Variants in GPATCH2 observed in about 807,000 individuals in gnomAD.
GPATCH2 encodes the protein G-patch domain containing 2.
In GPATCH2, 51 loss-of-function variants were observed where a neutral mutation model predicts 58.0. That is an observed-to-expected ratio of 0.88 (90% CI 0.70 to 1.11). The LOEUF (loss-of-function observed/expected upper bound fraction) is 1.11. Among genes scored for constraint, GPATCH2 ranks in the 50% most tolerant of loss-of-function variants. The pLI, the probability that GPATCH2 is intolerant of heterozygous loss-of-function variation, is 0.00. For synonymous variants in GPATCH2, 222 were observed against 218.5 expected (o/e 1.02, Z -0.14); for missense variants, 625 against 652.2 (o/e 0.96, Z 0.45).
chr1:217,574,623 A>G (rs10863324), intron 5 of GPATCH2, among the ~76,000 whole-genome samples: 5 of 151,952 alleles, frequency 3.3e-5, no homozygotes, highest in Non-Finnish European at 5.9e-5. Flanking sequence ...CTGTGATGGA[A>G]CTGTCATGTT....
At chr1:217,615,404 G>GA (rs1290656270) in intron 2 of GPATCH2, among the ~76,000 whole-genome samples, 1 of 151,968 alleles carries the variant, frequency 6.6e-6, no homozygotes, top group Non-Finnish European at 1.5e-5. Context: ...AATTGGTAAT[G>GA]AAAAAATATT....
intron 5 of GPATCH2, among the ~76,000 whole-genome samples, chr1:217,532,179 A>C (rs754609948): frequency 2.0e-5 from 3 of 152,192 alleles, no homozygotes; most frequent in Non-Finnish European, 4.4e-5. Context: ...CTCTGTGATT[A>C]ACCCAGTATG....
At chr1:217,610,463 AG>A (rs892877512) in intron 4 of GPATCH2, 63 bp from the exon 5 acceptor site, 3 of 942,990 alleles carry the variant, frequency 3.2e-6, no homozygotes, top group Non-Finnish European at 3.4e-6. Flanking sequence ...GAAGAAGAAG[AG>A]GATCCTATCA....
chr1:217,576,464 C>T (rs1006476944), intron 5 of GPATCH2, among the ~76,000 whole-genome samples: 3 of 152,130 alleles, frequency 2.0e-5, no homozygotes, highest in Admixed American at 6.5e-5. Context: ...AAGAAACACA[C>T]GTATATTACT....
chr1:217,600,142 G>A (rs988838056), intron 5 of GPATCH2, among the ~76,000 whole-genome samples: 3 of 152,046 alleles, frequency 2.0e-5, no homozygotes, highest in Non-Finnish European at 4.4e-5. Flanking sequence ...AAGATTAATG[G>A]CACAAGTCAT....
rs76145694 is a variant in GPATCH2 at position 217,585,142 on chromosome 1, A to G, written c.1098+25179T>C. Among the ~76,000 whole-genome samples, 988 of 152,244 alleles carry G rather than the reference A, an allele frequency of 6.5e-3. 7 individuals are homozygous for G. The highest frequency in any genetic ancestry group is 0.014 in the Middle Eastern group (4 of 294). On this transcript the variant is annotated intron_variant, in intron 5 of 9. Coordinates refer to ENST00000366935, the MANE Select transcript of GPATCH2 (RefSeq NM_018040.5). Reference sequence around the variant, plus strand: ...CTTTAATTTTGTCTGTTTGGGTACTATTTATAAGAATGGGATCTTACACTA... The same window carrying G: ...CTTTAATTTTGTCTGTTTGGGTACTGTTTATAAGAATGGGATCTTACACTA...
At chr1:217,570,511 G>A (rs1250974555) in intron 5 of GPATCH2, among the ~76,000 whole-genome samples, 2 of 152,024 alleles carry the variant, frequency 1.3e-5, no homozygotes, top group Non-Finnish European at 2.9e-5. Context: ...AGTATCTTGC[G>A]GCCCAAGACA....
intron 9 of GPATCH2, among the ~76,000 whole-genome samples, chr1:217,447,036 G>C (rs1016678089): frequency 3.9e-5 from 6 of 152,104 alleles, no homozygotes; most frequent in African/African-American, 1.4e-4. Context: ...TGCCGCTAAT[G>C]GTTGAATCAA....
intron 5 of GPATCH2, among the ~76,000 whole-genome samples, chr1:217,589,755 G>C (rs558380172): frequency 1.3e-5 from 2 of 152,272 alleles, no homozygotes; most frequent in South Asian, 4.1e-4. Flanking sequence ...AGTTGTCAAG[G>C]ATCAGAAGGA....
intron 5 of GPATCH2, among the ~76,000 whole-genome samples, chr1:217,557,802 C>T (rs1665719592): frequency 6.6e-6 from 1 of 152,188 alleles, no homozygotes; most frequent in African/African-American, 2.4e-5. Context: ...TGCACCGATA[C>T]TATACTGCCC....
intron 5 of GPATCH2, among the ~76,000 whole-genome samples, chr1:217,584,491 T>G (rs1224723396): frequency 2.0e-5 from 3 of 151,452 alleles, no homozygotes; most frequent in Admixed American, 6.6e-5. Context: ...ATTGCACCAT[T>G]GCACTCCAGC....
intron 5 of GPATCH2, among the ~76,000 whole-genome samples, chr1:217,525,157 T>G (rs1476167908): frequency 1.3e-5 from 2 of 151,880 alleles, no homozygotes; most frequent in Non-Finnish European, 2.9e-5. Context: ...TAAGAAGTGA[T>G]TGTTCTCACA....
intron 2 of GPATCH2, among the ~76,000 whole-genome samples, chr1:217,619,137 C>T (rs1669056597): frequency 6.6e-6 from 1 of 152,138 alleles, no homozygotes; most frequent in South Asian, 2.1e-4. Context: ...ATCACTTCAT[C>T]ATTTCAGTAT....
At chr1:217,630,585 A>G (rs904688638) in intron 1 of GPATCH2, among the ~76,000 whole-genome samples, 4 of 152,208 alleles carry the variant, frequency 2.6e-5, no homozygotes, top group African/African-American at 9.7e-5. Flanking sequence ...GTGGGGAATA[A>G]GGCCCGGATT....
intron 5 of GPATCH2, among the ~76,000 whole-genome samples, chr1:217,556,750 G>GAT (rs1235894819): frequency 7.2e-5 from 11 of 152,294 alleles, no homozygotes; most frequent in Admixed American, 5.2e-4. Flanking sequence ...AAATTCGTGA[G>GAT]ATATGCATTC....
intron 5 of GPATCH2, among the ~76,000 whole-genome samples, chr1:217,549,651 G>A (rs1665252569): frequency 6.6e-6 from 1 of 152,088 alleles, no homozygotes; most frequent in African/African-American, 2.4e-5. Context: ...AGCATTTGCT[G>A]ATAACTCATA....
chr1:217,526,968 G>T (rs1256114759), intron 5 of GPATCH2, among the ~76,000 whole-genome samples: 1 of 152,154 alleles, frequency 6.6e-6, no homozygotes, highest in Non-Finnish European at 1.5e-5. Flanking sequence ...CTGTCACTGT[G>T]TCCCCATCAG....
chr1:217,477,617 C>T (rs554675509), intron 8 of GPATCH2, among the ~76,000 whole-genome samples: 154 of 152,172 alleles, frequency 1.0e-3, no homozygotes, highest in African/African-American at 3.5e-3. Flanking sequence ...TAGGAGTGGC[C>T]ATGGGGTGAG....
At chr1:217,481,798 A>G (rs552429533) in intron 8 of GPATCH2, among the ~76,000 whole-genome samples, 1 of 152,172 alleles carries the variant, frequency 6.6e-6, no homozygotes, top group African/African-American at 2.4e-5. Context: ...TTGAGACTAC[A>G]TATGATGAGC....
Sources: gnomAD v4.1 joint callset for allele counts (sites outside exome capture counted in the v4.1 genomes callset) on GRCh38, gnomAD v4.1.1 for gene constraint, MANE v1.5 for transcripts, NCBI Gene and HGNC (gene_info 2026-07-23, HGNC 2026-07-21) for gene names.